MARCHF8: variants seen among roughly 807,000 people sequenced by gnomAD.
MARCHF8 encodes E3 ubiquitin-protein ligase MARCHF8.
In MARCHF8, 40 loss-of-function variants were observed where a neutral mutation model predicts 51.6. The ratio of observed to expected loss-of-function variants is 0.77; its 90% CI spans 0.60 to 1.01. The LOEUF is 1.01. MARCHF8 is among the 50% of genes least tolerant of loss of function. The probability of loss-of-function intolerance (pLI) is 0.00; values close to 1 mark genes in which losing one functional copy is unlikely to be tolerated. For synonymous variants in MARCHF8, 263 were observed against 280.3 expected (o/e 0.94, Z 0.62); for missense variants, 685 against 708.6 (o/e 0.97, Z 0.38).
In MARCHF8 at chr10:45,512,097, G is replaced by A. The variant is rs535322382; in HGVS notation, c.102+21013C>T. 5.4e-5 allele frequency among the ~76,000 whole-genome samples: 8 copies of A among 148,094 alleles called. No individual in the cohort carries two copies. In the East Asian group the frequency reaches 1.5e-3, roughly 27 times the overall value. On this transcript the variant is annotated intron_variant, in intron 2 of 7. Transcript: ENST00000453424. ...GAGATGTGGGGAGCGCCTCTGCCCC[G>A]CCGCCCCGTCTGGGATGTGAGAGCG...
intron 2 of MARCHF8, among the ~76,000 whole-genome samples, chr10:45,494,938 G>A (rs2043145442): frequency 6.6e-6 from 1 of 152,128 alleles, no homozygotes; most frequent in Non-Finnish European, 1.5e-5. Context: ...TGGCCAACAT[G>A]GTGAAACCCC....
intron 1 of MARCHF8, among the ~76,000 whole-genome samples, chr10:45,562,946 GT>G (rs34933187): frequency 6.6e-4 from 96 of 145,756 alleles, no homozygotes; most frequent in East Asian, 6.0e-4. Context: ...TTATATGTGG[GT>G]TTTTTTTTTT....
intron 1 of MARCHF8, among the ~76,000 whole-genome samples, chr10:45,549,316 G>A (rs2044167425): frequency 6.6e-6 from 1 of 152,162 alleles, no homozygotes; most frequent in Non-Finnish European, 1.5e-5. Flanking sequence ...AAACTTTGTT[G>A]CTTGAACAGC....
chr10:45,458,638 G>C, intron 7 of MARCHF8, 95 bp from the exon 8 acceptor site: 1 of 1,228,474 alleles, frequency 8.1e-7, no homozygotes, highest in South Asian at 1.6e-5. Flanking sequence ...CTGATTCTTT[G>C]TTGTTGTTGT....
intron 3 of MARCHF8, among the ~76,000 whole-genome samples, chr10:45,479,342 G>A (rs2042843929): frequency 6.6e-6 from 1 of 152,074 alleles, no homozygotes; most frequent in African/African-American, 2.4e-5. Context: ...AAGAAATACT[G>A]CAATATTAAT....
chr10:45,526,304 A>G (rs2133253860), intron 2 of MARCHF8, among the ~76,000 whole-genome samples: 1 of 152,334 alleles, frequency 6.6e-6, no homozygotes, highest in Middle Eastern at 3.4e-3. Context: ...AGGATTGCTG[A>G]GAGATGAAAG....
At chr10:45,576,093 A>G (rs1212811506) in intron 1 of MARCHF8, among the ~76,000 whole-genome samples, 2 of 152,200 alleles carry the variant, frequency 1.3e-5, no homozygotes, top group Non-Finnish European at 2.9e-5. Context: ...TGAAATTTAA[A>G]CTATCTGACT....
In MARCHF8 at chr10:45,487,053, C is replaced by T. The variant is rs576324547; in HGVS notation, c.153+2314G>A. Among the ~76,000 whole-genome samples, 389 of 151,806 alleles carry T rather than the reference C, an allele frequency of 2.6e-3. 3 individuals are homozygous for T. The highest frequency in any genetic ancestry group is 8.6e-3 in the African/African-American group (356 of 41,400). On this transcript the variant is annotated intron_variant, in intron 3 of 7. Transcript: ENST00000453424. ...CTCAAACTCCTGACCTCAGGTGATC[C>T]GCCCGCTTCAGCCTCCCAAATTGCT...
At chr10:45,568,136 C>T (rs2044385438) in intron 1 of MARCHF8, among the ~76,000 whole-genome samples, 1 of 152,186 alleles carries the variant, frequency 6.6e-6, no homozygotes, top group Admixed American at 6.5e-5. Flanking sequence ...TATCCTGCAG[C>T]TTCACTGAAT....
At chr10:45,580,128 T>C (rs1589193344) in intron 1 of MARCHF8, among the ~76,000 whole-genome samples, 1 of 150,276 alleles carries the variant, frequency 6.7e-6, no homozygotes, top group Non-Finnish European at 1.5e-5. Flanking sequence ...ATAACTATAA[T>C]AGCAAAATTC....
chr10:45,476,652 A>C (rs1399416193), intron 3 of MARCHF8, among the ~76,000 whole-genome samples: 1 of 152,200 alleles, frequency 6.6e-6, no homozygotes, highest in Admixed American at 6.5e-5. Flanking sequence ...TTTTCCAAAA[A>C]TACATTATAA....
rs550790334 is a variant in MARCHF8, at chr10:45,594,905, A to G, written c.-749T>C. The G allele has an allele frequency of 3.3e-5, 5 of 152,062 alleles. No homozygotes were observed. The South Asian group carries it at 1.0e-3, about 32-fold the overall frequency. 9.4% of individuals were successfully genotyped at this position (152,062 alleles called of 1,614,324 possible). On this transcript the variant is annotated 5_prime_UTR_variant, in exon 1 of 7. Transcript: ENST00000319836. Reference sequence around the variant, plus strand: ...TACGCCCCTCCGCGGGAGGACACCGAGTGGCAGGTCACGTGACGCGGGCGT... The same window carrying G: ...TACGCCCCTCCGCGGGAGGACACCGGGTGGCAGGTCACGTGACGCGGGCGT...
chr10:45,520,392 T>C (rs2043687383), intron 2 of MARCHF8, among the ~76,000 whole-genome samples: 1 of 152,242 alleles, frequency 6.6e-6, no homozygotes, highest in Non-Finnish European at 1.5e-5. Flanking sequence ...CTGTGAATAC[T>C]TGACATAGTA....
At chr10:45,530,555 G>A (rs1367664725) in intron 2 of MARCHF8, among the ~76,000 whole-genome samples, 2 of 152,200 alleles carry the variant, frequency 1.3e-5, no homozygotes, top group South Asian at 2.1e-4. Flanking sequence ...GCCAAGATGG[G>A]AGGATTGCTT....
chr10:45,507,040 G>A (rs557788302), intron 2 of MARCHF8, among the ~76,000 whole-genome samples: 1 of 152,188 alleles, frequency 6.6e-6, no homozygotes, highest in African/African-American at 2.4e-5. Flanking sequence ...AGTTGTGTTA[G>A]CTCTGGATGT....
At position 45,533,222 on chromosome 10, in the gene MARCHF8, T is replaced by C. The variant is rs1422910831; in HGVS notation, c.-11A>G. 6.3e-7 allele frequency: 1 copy of C among 1,598,636 alleles called. No individual in the cohort carries two copies. The highest frequency in any genetic ancestry group is 1.8e-5 in the Admixed American group (1 of 55,852). ...CAGTGGCATGCTCATCCCAACCTCT[T>C]ATCTGGTCGTCTTCTTCACAGAAGA... On this transcript the variant is annotated 5_prime_UTR_variant, in exon 2 of 8. It adds an upstream start codon to the 5' untranslated region. Transcript: ENST00000453424.
chr10:45,500,706 T>A (rs2043263106), intron 2 of MARCHF8, among the ~76,000 whole-genome samples: 1 of 151,424 alleles, frequency 6.6e-6, no homozygotes, highest in South Asian at 2.1e-4. Context: ...AAGGCATATA[T>A]ATCAGAATGA....
At chr10:45,582,247 TTG>T in intron 1 of MARCHF8, among the ~76,000 whole-genome samples, 1 of 152,210 alleles carries the variant, frequency 6.6e-6, no homozygotes, top group Non-Finnish European at 1.5e-5. Context: ...CCCTTCAATG[TTG>T]GACAGGAATT....
At position 45,534,122 on chromosome 10, in the gene MARCHF8, G is replaced by A. The variant is rs543326196; in HGVS notation, c.-78-833C>T. Among the ~76,000 whole-genome samples the A allele has an allele frequency of 5.3e-5, 8 of 152,088 alleles. No individual in the cohort carries two copies. The South Asian group carries it at 8.3e-4, about 16-fold the overall frequency. ...GGCACAAACCCAGGAGGCGGAGCTC[G>A]CAGTGAGCCAAGATCGCACCACTGC... is the stretch of plus-strand genomic sequence containing the variant. On this transcript the variant is annotated intron_variant, in intron 1 of 7. Transcript: ENST00000453424.
Sources: allele counts gnomAD v4.1 joint callset (sites outside exome capture counted in the v4.1 genomes callset), GRCh38; gene constraint gnomAD v4.1.1; transcripts MANE v1.5; gene names NCBI Gene and HGNC (gene_info 2026-07-23, HGNC 2026-07-21).